Variants in DSCAM observed in about 807,000 individuals in gnomAD.
DSCAM encodes DS cell adhesion molecule.
DSCAM carries 47 observed loss-of-function variants against 217.7 expected under a neutral mutation model. The observed-to-expected ratio is 0.22, with a 90% CI of 0.17 to 0.28. The LOEUF (loss-of-function observed/expected upper bound fraction) is 0.28. Among genes scored for constraint, DSCAM ranks in the 10% least tolerant of loss-of-function variants. The pLI, the probability that DSCAM is intolerant of heterozygous loss-of-function variation, is 1.00. For synonymous variants in DSCAM, 1,056 were observed against 1,015.3 expected (o/e 1.04, Z -0.76); for missense variants, 2,080 against 2,618.3 (o/e 0.79, Z 4.49).
rs148000150 is a variant in DSCAM, at chr21:40,259,471, C to G, written c.2356+16626G>C. 6.0e-3 allele frequency among the ~76,000 whole-genome samples: 913 copies of G among 152,074 alleles called. 13 individuals are homozygous for G. Among genetic ancestry groups the G allele is most frequent in the African/African-American group, 0.021 (876 of 41,482 alleles). ...GGCAAGAAGCTAGACAGGGACTTCCCAGTATGGAGCAGATCCCACAGCACC... is the reference window on the plus strand; with the variant it reads ...GGCAAGAAGCTAGACAGGGACTTCCGAGTATGGAGCAGATCCCACAGCACC... On this transcript the variant is annotated intron_variant, in intron 11 of 32. Transcript: ENST00000400454.
chr21:40,033,167 A>T (rs1186735089), intron 32 of DSCAM, among the ~76,000 whole-genome samples: 1 of 151,820 alleles, frequency 6.6e-6, no homozygotes, highest in Non-Finnish European at 1.5e-5. Context: ...CCTGGGGGGG[A>T]GGAGCCAAGA....
chr21:40,480,399 T>C (rs1387849634), intron 3 of DSCAM, among the ~76,000 whole-genome samples: 2 of 152,216 alleles, frequency 1.3e-5, no homozygotes, highest in South Asian at 4.1e-4. Flanking sequence ...GAACTCAGTG[T>C]GAACAAATAA....
At chr21:40,342,648 A>ATATATATATATATATATATT (rs61637421) in intron 6 of DSCAM, among the ~76,000 whole-genome samples, 35 of 80,298 alleles carry the variant, frequency 4.4e-4, no homozygotes, top group African/African-American at 1.4e-3. Context: ...ATATATATAT[A>ATATATATATATATATATATT]TTTTTTTTTT....
At chr21:40,468,587 C>T (rs114309801) in intron 3 of DSCAM, among the ~76,000 whole-genome samples, 1,595 of 152,154 alleles carry the variant, frequency 0.01, 16 homozygotes, top group Middle Eastern at 0.031. Context: ...GGGGCAAGGG[C>T]TGAACAAGGA....
At position 40,577,715 on chromosome 21, in the gene DSCAM, G is replaced by A. The variant is rs146162083; in HGVS notation, c.508+115095C>T. On this transcript the variant is annotated intron_variant, in intron 3 of 32. Coordinates refer to ENST00000400454, the MANE Select transcript of DSCAM (RefSeq NM_001389.5). ...TAGAAAGGGGAGGGGGGTCTAGTTA[G>A]AACAATTTTACAGAAGTTAAGTAGG... Among the ~76,000 whole-genome samples the A allele has an allele frequency of 1.1e-4, 16 of 152,280 alleles. 1 individual carries two copies. The highest frequency in any genetic ancestry group is 1.8e-4 in the Non-Finnish European group (12 of 68,018).
rs551706085 is a variant in DSCAM, at chr21:40,780,547, T to C, written c.43+66072A>G. Among the ~76,000 whole-genome samples, 10 of 151,648 alleles carry C rather than the reference T, an allele frequency of 6.6e-5. No individual in the cohort carries two copies. In the South Asian group the frequency reaches 2.1e-3, roughly 32 times the overall value. ...CTGAAATGTGTCCCCACAAAATTCA[T>C]GTGTTGAATTTCTAATCCCCAGTTG... On this transcript the variant is annotated intron_variant, in intron 1 of 32. Transcript: ENST00000400454.
chr21:40,363,081 T>C (rs2074785630), intron 4 of DSCAM, among the ~76,000 whole-genome samples: 3 of 152,000 alleles, frequency 2.0e-5, no homozygotes, highest in African/African-American at 7.3e-5. Context: ...CAGCCACTCC[T>C]CCAAGAAGCC....
intron 2 of DSCAM, among the ~76,000 whole-genome samples, chr21:40,698,060 GT>G (rs1297077227): frequency 3.3e-5 from 5 of 152,026 alleles, no homozygotes; most frequent in Admixed American, 3.3e-4. Flanking sequence ...TTACTTTGTG[GT>G]TACCATGAAG....
At chr21:40,824,403 A>ATTTT (rs536114434) in intron 1 of DSCAM, among the ~76,000 whole-genome samples, 6 of 121,028 alleles carry the variant, frequency 5.0e-5, no homozygotes, top group Admixed American at 1.7e-4. Flanking sequence ...TTTATTATTG[A>ATTTT]TTTTTTTTTT....
At chr21:40,454,110 C>T (rs192555724) in intron 3 of DSCAM, among the ~76,000 whole-genome samples, 52 of 152,304 alleles carry the variant, frequency 3.4e-4, no homozygotes, top group African/African-American at 1.2e-3. Flanking sequence ...CAGTCTGTCA[C>T]CATGGCAAAG....
intron 3 of DSCAM, among the ~76,000 whole-genome samples, chr21:40,592,355 T>C (rs1278657821): frequency 6.6e-6 from 1 of 152,156 alleles, no homozygotes; most frequent in Non-Finnish European, 1.5e-5. Context: ...TCATATGAGC[T>C]TGTATGTCTT....
chr21:40,373,960 AT>A (rs975699813), intron 3 of DSCAM, among the ~76,000 whole-genome samples: 18 of 152,238 alleles, frequency 1.2e-4, no homozygotes, highest in African/African-American at 3.6e-4. Context: ...CATTTATGTC[AT>A]CTAGCAGATA....
In DSCAM at chr21:40,409,054, A is replaced by G. The variant is rs143356197; in HGVS notation, c.509-39809T>C. The stretch of plus-strand genomic sequence containing the variant: ...TAGTTCAATATTAATGCTTACAAAG[A>G]AAGAAAACCATTAAGCCTAAAGAAT... On this transcript the variant is annotated intron_variant, in intron 3 of 32. Coordinates refer to ENST00000400454, the MANE Select transcript of DSCAM (RefSeq NM_001389.5). Among the ~76,000 whole-genome samples, 381 of 152,352 alleles carry G rather than the reference A, an allele frequency of 2.5e-3. 2 individuals carry two copies. Among genetic ancestry groups the G allele is most frequent in the African/African-American group, 8.8e-3 (366 of 41,590 alleles).
chr21:40,634,733 G>C (rs867474742), intron 3 of DSCAM, among the ~76,000 whole-genome samples: 4 of 152,296 alleles, frequency 2.6e-5, no homozygotes, highest in Non-Finnish European at 2.9e-5. Flanking sequence ...TATCTACAAG[G>C]TTGTCTTCAG....
chr21:40,211,238 T>C (rs2091180896), intron 11 of DSCAM, among the ~76,000 whole-genome samples: 1 of 152,248 alleles, frequency 6.6e-6, no homozygotes, highest in African/African-American at 2.4e-5. Flanking sequence ...AAACTATGGA[T>C]GGACCATAGA....
intron 4 of DSCAM, among the ~76,000 whole-genome samples, chr21:40,356,820 T>TA (rs545916531): frequency 8.1e-4 from 123 of 152,342 alleles, no homozygotes; most frequent in African/African-American, 2.8e-3. Context: ...CATTTATTAG[T>TA]AGGAAGACTT....
In DSCAM at chr21:40,548,254, T is replaced by C. The variant is rs2076599756; in HGVS notation, c.508+144556A>G. 2.0e-5 allele frequency among the ~76,000 whole-genome samples: 3 copies of C among 152,320 alleles called. 1 individual carries two copies. In the South Asian group the frequency reaches 6.2e-4, roughly 32 times the overall value. ...TGTATTACTATTTAAAGACCAGCTT[T>C]TAGCTGAACATCAGGGCTGCCTTCA... On this transcript the variant is annotated intron_variant, in intron 3 of 32. Coordinates refer to ENST00000400454, the MANE Select transcript of DSCAM (RefSeq NM_001389.5).
intron 27 of DSCAM, among the ~76,000 whole-genome samples, chr21:40,065,405 T>C (rs1057432051): frequency 6.6e-6 from 1 of 151,964 alleles, no homozygotes; most frequent in Admixed American, 6.6e-5. Context: ...GGACACACTT[T>C]TGTTGAGGGT....
chr21:40,370,930 G>T (rs1173669522), intron 3 of DSCAM, among the ~76,000 whole-genome samples: 1 of 152,136 alleles, frequency 6.6e-6, no homozygotes. Flanking sequence ...ACAGGCATGA[G>T]CCACCATGCC....
Sources: gnomAD v4.1 joint callset for allele counts (sites outside exome capture counted in the v4.1 genomes callset) on GRCh38, gnomAD v4.1.1 for gene constraint, MANE v1.5 for transcripts, NCBI Gene and HGNC (gene_info 2026-07-23, HGNC 2026-07-21) for gene names.